ADAMTS13: variants seen among roughly 807,000 people sequenced by gnomAD.
ADAMTS13 encodes ADAM metallopeptidase with thrombospondin type 1 motif 13, also known as A disintegrin and metalloproteinase with thrombospondin motifs 13.
Under a neutral mutation model 155.1 loss-of-function variants are expected in ADAMTS13, and 110 were observed. That is an observed-to-expected ratio of 0.71 (90% CI 0.61 to 0.83). The LOEUF (loss-of-function observed/expected upper bound fraction) is 0.83. Ranked by LOEUF, ADAMTS13 falls within the 40% of genes least tolerant of loss-of-function variation. The pLI, the probability that ADAMTS13 is intolerant of heterozygous loss-of-function variation, is 0.00. For missense variants in ADAMTS13, 1,707 were observed against 1,891.7 expected (o/e 0.90, Z 1.81); for synonymous variants, 758 against 756.4 (o/e 1.00, Z -0.03).
At position 133,428,920 on chromosome 9, in the gene ADAMTS13, C is replaced by T. The variant is rs1840491032; in HGVS notation, c.824+149C>T. On this transcript the variant is annotated intron_variant, in intron 7 of 28. Transcript: ENST00000355699. ...TCCAACCCACCCCTCCGTCCAACCC[C>T]GCGCCCACCGCTCCGTCCGTGGAGG... The T allele has an allele frequency of 3.9e-6, 4 of 1,025,962 alleles. No individual in the cohort carries two copies. The African/African-American group carries it at 5.5e-5, about 14-fold the overall frequency. 63.6% of individuals were successfully genotyped at this position (1,025,962 alleles called of 1,614,324 possible). A position where few individuals can be genotyped will look rare whatever the true frequency, so the allele number is the denominator to read the frequency against.
chr9:133,418,005 G>A, upstream of ADAMTS13: 1 of 654,210 alleles, frequency 1.5e-6, no homozygotes, highest in Admixed American at 3.0e-5. Flanking sequence ...CGCACGCGTT[G>A]CGCATACCTC....
chr9:133,422,162 G>C (rs1043037378), upstream of ADAMTS13: 1 of 537,782 alleles, frequency 1.9e-6, no homozygotes, highest in African/African-American at 1.9e-5. Context: ...CTCTAAGGGG[G>C]TGGGCGTGCA....
intron 7 of ADAMTS13, 47 bp downstream of exon 7, chr9:133,428,818 G>A: frequency 3.2e-6 from 4 of 1,243,448 alleles, no homozygotes; most frequent in Non-Finnish European, 4.0e-6. Flanking sequence ...CAGCCAGCCC[G>A]CTGGGCCGCC....
intron 24 of ADAMTS13, 89 bp from the exon 25 acceptor site, chr9:133,455,196 A>G: frequency 7.1e-7 from 1 of 1,400,500 alleles, no homozygotes; most frequent in South Asian, 1.2e-5. Context: ...TACAAGGATT[A>G]TATTGGATCA....
intron 23 of ADAMTS13, among the ~76,000 whole-genome samples, chr9:133,451,626 C>T (rs1554794368): frequency 2.6e-5 from 4 of 152,142 alleles, no homozygotes; most frequent in African/African-American, 9.7e-5. Context: ...GGTCATGGCT[C>T]ACGCCTGTAA....
At chr9:133,423,528 G>A (rs1564406785) in intron 2 of ADAMTS13, among the ~76,000 whole-genome samples, 2 of 152,168 alleles carry the variant, frequency 1.3e-5, no homozygotes, top group South Asian at 2.1e-4. Context: ...AACAAGATAG[G>A]TACTGGCTCA....
chr9:133,422,333 A>G (rs1840005573), upstream of ADAMTS13: 1 of 1,082,380 alleles, frequency 9.2e-7, no homozygotes, highest in Middle Eastern at 2.6e-4. Context: ...AACACTGCCT[A>G]ATCGTCCCGC....
At chr9:133,417,983 C>T (rs1839780990), upstream of ADAMTS13, 2 of 747,318 alleles carry the variant, frequency 2.7e-6, no homozygotes, top group Non-Finnish European at 2.1e-6. Flanking sequence ...GAAAAGACTC[C>T]GGAAGAGACC....
At chr9:133,426,466 C>A in intron 6 of ADAMTS13, 121 bp downstream of exon 6, 1 of 1,345,762 alleles carries the variant, frequency 7.4e-7, no homozygotes, top group Non-Finnish European at 1.0e-6. Context: ...GCCTGTACCC[C>A]TCACCCCGAC....
Position 133,443,503 on chromosome 9 carries a change from G to A in ADAMTS13, c.2362G>A (p.Gly788Arg), listed in dbSNP as rs1841841301. 1.9e-6 allele frequency: 3 copies of A among 1,584,122 alleles called. No individual in the cohort carries two copies. The highest frequency in any genetic ancestry group is 2.6e-6 in the Non-Finnish European group (3 of 1,170,950). ...ATTGCCCCCAGCCCGGTGCAGAGCAGGGGCCCAGCAGCCAGCTGTGGCGCT... is the reference window on the plus strand; with the variant it reads ...ATTGCCCCCAGCCCGGTGCAGAGCAAGGGCCCAGCAGCCAGCTGTGGCGCT... The part of the protein sequence containing the change: ...KTLPPARCRA[G>R]AQQPAVALET... The change falls in exon 19 of 29, where the codon GGG (glycine) becomes AGG (arginine). Residue 788 changes from glycine (G) to arginine (R), a missense_variant. Coordinates refer to ENST00000355699, the MANE Select transcript of ADAMTS13 (RefSeq NM_139027.6).
rs1740076055 is a variant in ADAMTS13 at position 133,440,671 on chromosome 9, C to T, written c.1968+146C>T. ...CAGGGGACCCACTATGTGTTGGGCC[C>T]TGTGCTAGGCAAAATGTAGCTAGCT... On this transcript the variant is annotated intron_variant, in intron 16 of 28. Transcript: ENST00000355699. This position sits in a 1 kb window ranked among gnomAD's most constrained non-coding sequence, Gnocchi z 4.3. 3 of 981,802 alleles carry T rather than the reference C, an allele frequency of 3.1e-6. No individual in the cohort carries two copies. The allele number at this position is 981,802 out of a possible 1,614,324, so 60.8% of individuals were successfully genotyped here. A position where few individuals can be genotyped will look rare whatever the true frequency, so the allele number is the denominator to read the frequency against.
In ADAMTS13 at chr9:133,458,037, T is replaced by C. The variant is rs1316539777; in HGVS notation, c.3852T>C (p.His1284=). ...CTCCGCACGCACGGATTGCCATCCA[T>C]GCCCTGGCCACCAACATGGGCGCTG... is the stretch of plus-strand genomic sequence containing the variant. ...NVAPHARIAI[H]ALATNMGAGT... Residue 1284 remains histidine, a synonymous_variant, in exon 28 of 29, where the codon CAT becomes CAC. Coordinates refer to ENST00000355699, the MANE Select transcript of ADAMTS13 (RefSeq NM_139027.6). The C allele has an allele frequency of 1.5e-5, 25 of 1,613,496 alleles. No individual in the cohort carries two copies. The highest frequency in any genetic ancestry group is 2.1e-5 in the Non-Finnish European group (25 of 1,180,026).
In ADAMTS13 at chr9:133,433,692, G is replaced by A. The variant is rs141471395; in HGVS notation, c.1296G>A (p.Met432Ile). 14 of 1,613,508 alleles carry A rather than the reference G, an allele frequency of 8.7e-6. No homozygotes were observed. The African/African-American group carries it at 1.2e-4, about 14-fold the overall frequency. The stretch of plus-strand genomic sequence containing the variant: ...TTGGTGCTGACCTCCAGGCCGAGAT[G>A]TGCAACACTCAGGTAGGCCTGCTTC... ...ACVGADLQAE[M>I]CNTQACEKTQ... Residue 432 changes from methionine (M) to isoleucine (I), a missense_variant, in exon 11 of 29, where the codon ATG (methionine) becomes ATA (isoleucine). By Grantham distance (10) the Met-to-Ile change is conservative. Coordinates refer to ENST00000355699, the MANE Select transcript of ADAMTS13 (RefSeq NM_139027.6).
In ADAMTS13 at chr9:133,438,369, A is replaced by G; in HGVS notation, c.1705+3A>G. 6.2e-7 allele frequency: 1 copy of G among 1,613,750 alleles called. No homozygotes were observed. The highest frequency in any genetic ancestry group is 8.5e-7 in the Non-Finnish European group (1 of 1,179,938). On this transcript the variant is annotated splice_donor_region_variant and intron_variant, in intron 14 of 28. Coordinates refer to ENST00000355699, the MANE Select transcript of ADAMTS13 (RefSeq NM_139027.6). The stretch of plus-strand genomic sequence containing the variant: ...TTTCACAGCTGGCAGAGCGAGAGGT[A>G]GGCGGCCTCCCTCGGGGCAGAGGCT...
upstream of ADAMTS13, chr9:133,417,744 T>C: frequency 6.2e-7 from 1 of 1,613,864 alleles, no homozygotes; most frequent in Non-Finnish European, 8.5e-7. Flanking sequence ...AAACCTTTTT[T>C]TCTTCTTGTT....
intron 8 of ADAMTS13, 40 bp from the exon 9 acceptor site, chr9:133,432,548 G>C (rs781973994): frequency 6.6e-7 from 1 of 1,524,892 alleles, no homozygotes; most frequent in African/African-American, 1.4e-5. Context: ...GAAGGCCCTG[G>C]TGGCCCCTGA....
At position 133,436,721 on chromosome 9, in the gene ADAMTS13, C is replaced by T. The variant is rs1416428897; in HGVS notation, c.1309-108C>T. 5.1e-6 allele frequency: 6 copies of T among 1,181,792 alleles called. No homozygotes were observed. The South Asian group carries it at 5.4e-5, about 11-fold the overall frequency. 73.2% of individuals were successfully genotyped at this position (1,181,792 alleles called of 1,614,324 possible). ...ACCGAGGCACGGCCTGGAGCTGAGG[C>T]CACACCCACATCTTGATCCTGTACT... On this transcript the variant is annotated intron_variant, in intron 11 of 28. Coordinates refer to ENST00000355699, the MANE Select transcript of ADAMTS13 (RefSeq NM_139027.6).
At chr9:133,444,002 G>A (rs1056104291) in intron 19 of ADAMTS13, among the ~76,000 whole-genome samples, 6 of 152,132 alleles carry the variant, frequency 3.9e-5, no homozygotes, top group Non-Finnish European at 7.4e-5. Flanking sequence ...CCCCTCCTCT[G>A]TGGGCTTCAG....
Position 133,440,230 on chromosome 9 carries a change from C to T in ADAMTS13, c.1787-114C>T, listed in dbSNP as rs1261014933. 6.7e-6 allele frequency: 9 copies of T among 1,338,910 alleles called. No homozygotes were observed. In the Middle Eastern group the frequency reaches 8.3e-4, roughly 123 times the overall value. The allele number at this position is 1,338,910 out of a possible 1,614,324, so 82.9% of individuals were successfully genotyped here. On this transcript the variant is annotated intron_variant, in intron 15 of 28. Transcript: ENST00000355699. This position sits in a 1 kb window ranked among gnomAD's most constrained non-coding sequence, Gnocchi z 4.3. ...GTGGGGAAGCCTCTAGCTCAGATGC[C>T]TGTGGCTCCTTAGAGGAGGGCTGGG... is the stretch of plus-strand genomic sequence containing the variant.
Sources: allele counts gnomAD v4.1 joint callset (sites outside exome capture counted in the v4.1 genomes callset), GRCh38; gene constraint gnomAD v4.1.1; non-coding constraint Gnocchi (gnomAD v3.1); transcripts MANE v1.5; gene names NCBI Gene and HGNC (gene_info 2026-07-23, HGNC 2026-07-21).